Variants in KCNIP1 observed in about 807,000 individuals in gnomAD.
KCNIP1 encodes the protein potassium voltage-gated channel interacting protein 1.
KCNIP1 carries 18 observed loss-of-function variants against 33.0 expected under a neutral mutation model. The observed-to-expected ratio is 0.55, with a 90% CI of 0.38 to 0.81. The LOEUF (loss-of-function observed/expected upper bound fraction) is 0.81, where lower values mean the gene tolerates loss of function less well. Among genes scored for constraint, KCNIP1 ranks in the 30% least tolerant of loss-of-function variants. The pLI is 0.00. For missense variants in KCNIP1, 238 were observed against 271.6 expected (o/e 0.88, Z 0.87); for synonymous variants, 93 against 98.3 (o/e 0.95, Z 0.32).
intron 1 of KCNIP1, among the ~76,000 whole-genome samples, chr5:170,605,280 C>G (rs1231480242): frequency 6.6e-6 from 1 of 152,206 alleles, no homozygotes; most frequent in African/African-American, 2.4e-5. Flanking sequence ...CTGGGAACCC[C>G]TCTGGCCCTA....
intron 1 of KCNIP1, among the ~76,000 whole-genome samples, chr5:170,697,330 T>C (rs559632512): frequency 1.3e-5 from 2 of 152,342 alleles, no homozygotes; most frequent in South Asian, 2.1e-4. Context: ...AATCATAAGA[T>C]CTGGGAACAA....
At chr5:170,563,586 A>G (rs1581330385) in intron 1 of KCNIP1, among the ~76,000 whole-genome samples, 1 of 151,908 alleles carries the variant, frequency 6.6e-6, no homozygotes, top group African/African-American at 2.4e-5. Flanking sequence ...TCATAAGCAC[A>G]GTTTACAATT....
intron 1 of KCNIP1, among the ~76,000 whole-genome samples, chr5:170,400,468 C>T (rs1754874146): frequency 6.6e-6 from 1 of 152,148 alleles, no homozygotes; most frequent in African/African-American, 2.4e-5. Context: ...CAATCACCCC[C>T]CACCAGGTCC....
At chr5:170,616,306 T>C (rs758377913) in intron 1 of KCNIP1, among the ~76,000 whole-genome samples, 18 of 38,006 alleles carry the variant, frequency 4.7e-4, no homozygotes, top group Non-Finnish European at 7.0e-4. Context: ...TCTGAGCACC[T>C]ACCCTGGGCC....
chr5:170,567,116 C>T (rs909806309), intron 1 of KCNIP1, among the ~76,000 whole-genome samples: 1 of 152,192 alleles, frequency 6.6e-6, no homozygotes, highest in Non-Finnish European at 1.5e-5. Flanking sequence ...AGGTCAGAGG[C>T]AGTGGTTCTT....
intron 1 of KCNIP1, among the ~76,000 whole-genome samples, chr5:170,380,574 G>T (rs184241710): frequency 0.026 from 3,978 of 152,326 alleles, 115 homozygotes; most frequent in African/African-American, 0.066. Context: ...AAATGCAGAT[G>T]CTGCACTCAG....
In KCNIP1 at chr5:170,504,689, G is replaced by T; in HGVS notation, c.61+56G>T. ...TCTGGGCTTGGGGGTGCTAGGCGCC[G>T]AGGTGGGCTGTGCCACCTGCCTCCC... is the stretch of plus-strand genomic sequence containing the variant. On this transcript the variant is annotated intron_variant, in intron 1 of 7. Coordinates refer to ENST00000328939, the MANE Select transcript of KCNIP1 (RefSeq NM_014592.4). The surrounding 1 kb of genome is among the most constrained non-coding windows in gnomAD (Gnocchi z 6.0). 2 of 1,478,760 alleles carry T rather than the reference G, an allele frequency of 1.4e-6. No homozygotes were observed. The highest frequency in any genetic ancestry group is 2.3e-5 in the South Asian group (2 of 88,490). The allele number at this position is 1,478,760 out of a possible 1,614,324, so 91.6% of individuals were successfully genotyped here.
intron 1 of KCNIP1, among the ~76,000 whole-genome samples, chr5:170,614,953 C>T (rs774005957): frequency 1.3e-5 from 2 of 152,246 alleles, no homozygotes; most frequent in Non-Finnish European, 1.5e-5. Context: ...CAGTGACTCA[C>T]TCCTGTTGTC....
At chr5:170,697,905 C>G (rs1762953842) in intron 1 of KCNIP1, among the ~76,000 whole-genome samples, 1 of 152,052 alleles carries the variant, frequency 6.6e-6, no homozygotes, top group Admixed American at 6.5e-5. Context: ...AATTGTGTGA[C>G]TGGAAATGAA....
At chr5:170,564,939 TA>T (rs1238165616) in intron 1 of KCNIP1, among the ~76,000 whole-genome samples, 2 of 152,088 alleles carry the variant, frequency 1.3e-5, no homozygotes, top group East Asian at 1.9e-4. Context: ...GTTTCTGACT[TA>T]GCTTGTAAGA....
Position 170,734,433 on chromosome 5 carries a change from T to G in KCNIP1, c.603+535T>G, listed in dbSNP as rs142358096. On this transcript the variant is annotated intron_variant, in intron 7 of 7. Coordinates refer to ENST00000328939, the MANE Select transcript of KCNIP1 (RefSeq NM_014592.4). ...TTAATGTGTGAAACAATATCCTTGA[T>G]GATTTTGTTAAAATGCAGATTCTAA... Among the ~76,000 whole-genome samples, 170 of 152,302 alleles carry G rather than the reference T, an allele frequency of 1.1e-3. 1 individual carries two copies. Among genetic ancestry groups the G allele is most frequent in the African/African-American group, 3.8e-3 (159 of 41,562 alleles).
chr5:170,656,895 C>A (rs1581456246), intron 1 of KCNIP1, among the ~76,000 whole-genome samples: 1 of 152,196 alleles, frequency 6.6e-6, no homozygotes, highest in Non-Finnish European at 1.5e-5. Context: ...CATGCCCATC[C>A]CCACCCGTCC....
Position 170,504,775 on chromosome 5 carries a change from G to C in KCNIP1, c.61+142G>C. On this transcript the variant is annotated intron_variant, in intron 1 of 7. Transcript: ENST00000328939. The surrounding 1 kb of genome is among the most constrained non-coding windows in gnomAD (Gnocchi z 6.0). ...CAGGTGCTTGTATCCAAAGGAGAGA[G>C]AAATCGGCGGGAGGGCTGGTGTGAA... 1 of 719,424 alleles carries C rather than the reference G, an allele frequency of 1.4e-6. No individual in the cohort carries two copies. Among genetic ancestry groups the C allele is most frequent in the Admixed American group, 2.5e-5 (1 of 40,744 alleles). 44.6% of individuals were successfully genotyped at this position (719,424 alleles called of 1,614,324 possible). A position where few individuals can be genotyped will look rare whatever the true frequency, so the allele number is the denominator to read the frequency against.
chr5:170,388,024 C>CCAA (rs1554088670), intron 1 of KCNIP1, among the ~76,000 whole-genome samples: 11 of 152,238 alleles, frequency 7.2e-5, no homozygotes, highest in Admixed American at 6.5e-4. Context: ...ATCAGCCCCC[C>CCAA]CCAGCGCCCA....
intron 1 of KCNIP1, among the ~76,000 whole-genome samples, chr5:170,440,037 A>G (rs1439542975): frequency 1.3e-5 from 2 of 152,212 alleles, no homozygotes; most frequent in Non-Finnish European, 1.5e-5. Context: ...GGGTAACTAC[A>G]TTAAAGTGAG....
At chr5:170,688,318 C>T (rs1376107439) in intron 1 of KCNIP1, among the ~76,000 whole-genome samples, 2 of 152,218 alleles carry the variant, frequency 1.3e-5, no homozygotes, top group South Asian at 2.1e-4. Flanking sequence ...AAGGGCAAGA[C>T]TGTGACACAG....
intron 1 of KCNIP1, among the ~76,000 whole-genome samples, chr5:170,399,859 C>T (rs922648976): frequency 2.6e-5 from 4 of 152,206 alleles, no homozygotes; most frequent in African/African-American, 9.7e-5. Flanking sequence ...ATGATCTGTT[C>T]ATGTCATCTT....
intron 1 of KCNIP1, among the ~76,000 whole-genome samples, chr5:170,565,339 C>T (rs995845987): frequency 1.3e-5 from 2 of 152,178 alleles, no homozygotes; most frequent in African/African-American, 4.8e-5. Context: ...ATGTGACTTG[C>T]ACCTCCCGTG....
intron 1 of KCNIP1, among the ~76,000 whole-genome samples, chr5:170,419,797 C>T (rs1755432764): frequency 6.6e-6 from 1 of 152,348 alleles, no homozygotes; most frequent in Admixed American, 6.5e-5. Flanking sequence ...ACATCTGACC[C>T]TCACAGTATC....
Sources: gnomAD v4.1 joint callset for allele counts (sites outside exome capture counted in the v4.1 genomes callset) on GRCh38, gnomAD v4.1.1 for gene constraint, Gnocchi (gnomAD v3.1) non-coding constraint, MANE v1.5 for transcripts, NCBI Gene and HGNC (gene_info 2026-07-23, HGNC 2026-07-21) for gene names.